JAKMIP1: variants seen among roughly 807,000 people sequenced by gnomAD.
JAKMIP1 encodes the protein janus kinase and microtubule-interacting protein 1.
JAKMIP1 carries 33 observed loss-of-function variants against 113.0 expected under a neutral mutation model. The observed-to-expected ratio is 0.29, with a 90% confidence interval of 0.22 to 0.39. JAKMIP1 has a LOEUF of 0.39. Ranked by LOEUF, JAKMIP1 falls within the 10% of genes least tolerant of loss-of-function variation. The probability of loss-of-function intolerance (pLI) is 1.00; values close to 1 mark genes in which losing one functional copy is unlikely to be tolerated. For synonymous variants in JAKMIP1, 480 were observed against 459.9 expected, an observed-to-expected ratio of 1.04 and a Z score of -0.56; for missense variants, 813 against 1,080.5, an observed-to-expected ratio of 0.75 and a Z score of 3.47.
chr4:6,037,222 C>T (rs888912838), intron 18 of JAKMIP1, among the ~76,000 whole-genome samples: 1 of 146,008 alleles, frequency 6.8e-6, no homozygotes, highest in South Asian at 2.2e-4. Flanking sequence ...CCCAGTAGCC[C>T]TCCATCACTG....
chr4:6,126,099 C>A, intron 1 of JAKMIP1, among the ~76,000 whole-genome samples: 1 of 149,220 alleles, frequency 6.7e-6, no homozygotes, highest in African/African-American at 2.5e-5. Flanking sequence ...TACAGAAACA[C>A]ACACACACAA....
At chr4:6,070,064 C>T (rs1560138856) in intron 8 of JAKMIP1, 4 of 398,694 alleles carry the variant, frequency 1.0e-5, no homozygotes, top group Non-Finnish European at 1.8e-5. Context: ...TACCTTCATG[C>T]TTATAGGTCA....
rs957413979 is a variant in JAKMIP1 at position 6,153,008 on chromosome 4, A to G, written c.-147-40011T>C. 6.6e-5 allele frequency among the ~76,000 whole-genome samples: 10 copies of G among 151,960 alleles called. No homozygotes were observed. Among genetic ancestry groups the G allele is most frequent in the African/African-American group, 1.2e-4 (5 of 41,364 alleles). On this transcript the variant is annotated intron_variant, in intron 1 of 20. Transcript: ENST00000409021. This position sits in a 1 kb window ranked among gnomAD's most constrained non-coding sequence, Gnocchi z 4.9. The stretch of plus-strand genomic sequence containing the variant: ...AAGAAGTGGGCATCCCTTAGCCCCA[A>G]TTCTAGGAAACCCACATCACCTTCC...
At chr4:6,074,852 A>G (rs1398454168) in intron 8 of JAKMIP1, among the ~76,000 whole-genome samples, 2 of 152,256 alleles carry the variant, frequency 1.3e-5, no homozygotes, top group Non-Finnish European at 2.9e-5. Flanking sequence ...ACAACTGCCT[A>G]CAGTATTCAG....
At chr4:6,053,803 A>G in intron 13 of JAKMIP1, 3 of 1,288,560 alleles carry the variant, frequency 2.3e-6, no homozygotes, top group Non-Finnish European at 2.9e-6. Context: ...GCCATAGGCA[A>G]TAAATATATT....
intron 3 of JAKMIP1, among the ~76,000 whole-genome samples, chr4:6,101,268 G>GGTGTGTGT (rs377707689): frequency 6.6e-6 from 1 of 150,716 alleles, no homozygotes; most frequent in Non-Finnish European, 1.5e-5. Context: ...GAGTGTGTGT[G>GGTGTGTGT]GTGTGTGTGT....
At chr4:6,078,480 T>C (rs942100171) in intron 8 of JAKMIP1, among the ~76,000 whole-genome samples, 13 of 151,460 alleles carry the variant, frequency 8.6e-5, no homozygotes, top group African/African-American at 1.5e-4. Context: ...TTGAATTTTA[T>C]AAGCCCAGCT....
chr4:6,131,011 A>G (rs981177463), intron 1 of JAKMIP1, among the ~76,000 whole-genome samples: 2 of 151,806 alleles, frequency 1.3e-5, no homozygotes, highest in Admixed American at 1.3e-4. Flanking sequence ...CTGTCTCTAC[A>G]AAAAACACAA....
intron 5 of JAKMIP1, among the ~76,000 whole-genome samples, chr4:6,082,495 G>A (rs535907009): frequency 6.6e-6 from 1 of 151,326 alleles, no homozygotes; most frequent in African/African-American, 2.4e-5. Flanking sequence ...CGAGACAGAA[G>A]GTAGGTAAAA....
rs574486460 is a variant in JAKMIP1, at chr4:6,049,278, C to T, written c.1963-356G>A. Among the ~76,000 whole-genome samples the T allele has an allele frequency of 4.6e-5, 7 of 152,300 alleles. No homozygotes were observed. The highest frequency in any genetic ancestry group is 1.4e-4 in the African/African-American group (6 of 41,574). ...CTCGAACTCCTGACCTCAGGTGATC[C>T]GCCAGCCTCAGCCTTCCAAAGTGCT... is the stretch of plus-strand genomic sequence containing the variant. On this transcript the variant is annotated intron_variant, in intron 15 of 20. Coordinates refer to ENST00000409021, the MANE Select transcript of JAKMIP1 (RefSeq NM_001099433.2). This position sits in a 1 kb window ranked among gnomAD's most constrained non-coding sequence, Gnocchi z 7.0.
chr4:6,081,294 C>G lies in JAKMIP1; in HGVS notation c.1101+315G>C, dbSNP rs1400595853. On this transcript the variant is annotated intron_variant, in intron 6 of 20. Coordinates refer to ENST00000409021, the MANE Select transcript of JAKMIP1 (RefSeq NM_001099433.2). The surrounding 1 kb of genome is among the most constrained non-coding windows in gnomAD (Gnocchi z 4.6). ...AGGTCTTTACATGCTGTTATTTCAT[C>G]CTCTTGATGATCCTCCAGTGTGGAT... Among the ~76,000 whole-genome samples, 2 of 152,174 alleles carry G rather than the reference C, an allele frequency of 1.3e-5. No homozygotes were observed. Among genetic ancestry groups the G allele is most frequent in the Non-Finnish European group, 1.5e-5 (1 of 68,036 alleles).
chr4:6,091,352 C>CA (rs1722034780), intron 3 of JAKMIP1, among the ~76,000 whole-genome samples: 1 of 152,258 alleles, frequency 6.6e-6, no homozygotes, highest in Admixed American at 6.5e-5. Context: ...TGCAAATACA[C>CA]AGAGTATTTT....
Position 6,154,436 on chromosome 4 carries a change from C to T in JAKMIP1, c.-147-41439G>A, listed in dbSNP as rs948777828. Among the ~76,000 whole-genome samples the T allele has an allele frequency of 5.3e-5, 8 of 151,516 alleles. No individual in the cohort carries two copies. Among genetic ancestry groups the T allele is most frequent in the South Asian group, 4.2e-4 (2 of 4,790 alleles). ...CCCCATTTCACAACAAGCTAAAAACCGAACAGAAGCCTTTAGTTCCCTGAG... is the reference window on the plus strand; with the variant it reads ...CCCCATTTCACAACAAGCTAAAAACTGAACAGAAGCCTTTAGTTCCCTGAG... On this transcript the variant is annotated intron_variant, in intron 1 of 20. Coordinates refer to ENST00000409021, the MANE Select transcript of JAKMIP1 (RefSeq NM_001099433.2). The surrounding 1 kb of genome is among the most constrained non-coding windows in gnomAD (Gnocchi z 4.2).
chr4:6,154,099 A>G lies in JAKMIP1; in HGVS notation c.-147-41102T>C, dbSNP rs1428126840. 6.6e-6 allele frequency among the ~76,000 whole-genome samples: 1 copy of G among 152,202 alleles called. No homozygotes were observed. Among genetic ancestry groups the G allele is most frequent in the African/African-American group, 2.4e-5 (1 of 41,436 alleles). On this transcript the variant is annotated intron_variant, in intron 1 of 20. Transcript: ENST00000409021. The surrounding 1 kb of genome is among the most constrained non-coding windows in gnomAD (Gnocchi z 4.2). ...CCTGGCTGACTGCATCCTGCTGCCT[A>G]TGGTGAGAAGGCACAGGCTTGTGTC...
chr4:6,041,057 C>T (rs1020730960), intron 17 of JAKMIP1, among the ~76,000 whole-genome samples: 1 of 152,044 alleles, frequency 6.6e-6, no homozygotes, highest in Non-Finnish European at 1.5e-5. Context: ...ATCCTAGTGG[C>T]CCCTGAAGAC....
chr4:6,056,475 C>T (rs3892527), intron 12 of JAKMIP1, among the ~76,000 whole-genome samples: 31,108 of 150,640 alleles, frequency 0.21, 4,702 homozygotes, highest in African/African-American at 0.43. Context: ...AGGAGGATGA[C>T]CTAAACCAGC....
chr4:6,042,453 G>A lies in JAKMIP1; in HGVS notation c.2029-226C>T, dbSNP rs954389916. On this transcript the variant is annotated intron_variant, in intron 16 of 20. Transcript: ENST00000409021. The surrounding 1 kb of genome is among the most constrained non-coding windows in gnomAD (Gnocchi z 5.2). ...TCTTAGGTGTGAGTGTGACATGTAC[G>A]TGGTGTGGAAGCTGGATTCAGAGCC... Among the ~76,000 whole-genome samples the A allele has an allele frequency of 6.6e-6, 1 of 152,124 alleles. No individual in the cohort carries two copies. Among genetic ancestry groups the A allele is most frequent in the Non-Finnish European group, 1.5e-5 (1 of 68,022 alleles).
intron 8 of JAKMIP1, 85 bp downstream of exon 8, chr4:6,078,854 A>AAAACCTCCCCAC (rs1392074296): frequency 7.3e-7 from 1 of 1,371,712 alleles, no homozygotes; most frequent in Non-Finnish European, 1.0e-6. Flanking sequence ...ACCCCTCTGT[A>AAAACCTCCCCAC]AAACCTCCCC....
chr4:6,191,914 T>TTTATTTATTTAC (rs1490748320), intron 1 of JAKMIP1, among the ~76,000 whole-genome samples: 1 of 9,772 alleles, frequency 1.0e-4, no homozygotes, highest in Non-Finnish European at 5.2e-4. Flanking sequence ...AGGAGTGCAT[T>TTTATTTATTTAC]TTATTTATTT....
Sources: allele counts gnomAD v4.1 joint callset (sites outside exome capture counted in the v4.1 genomes callset), GRCh38; gene constraint gnomAD v4.1.1; non-coding constraint Gnocchi (gnomAD v3.1); transcripts MANE v1.5; gene names NCBI Gene and HGNC (gene_info 2026-07-23, HGNC 2026-07-21).